TNK1: variants seen among roughly 807,000 people sequenced by gnomAD.
TNK1 encodes non-receptor tyrosine-protein kinase TNK1.
In TNK1, 53 loss-of-function variants were observed where a neutral mutation model predicts 65.2. The observed-to-expected ratio is 0.81, with a 90% CI of 0.65 to 1.02. TNK1 has a LOEUF of 1.02. Ranked by LOEUF, TNK1 falls within the 50% of genes least tolerant of loss-of-function variation. TNK1 has a pLI of 0.00. For synonymous variants in TNK1, 353 were observed against 364.6 expected (o/e 0.97, Z 0.36); for missense variants, 837 against 878.4 (o/e 0.95, Z 0.60).
intron 10 of TNK1, among the ~76,000 whole-genome samples, chr17:7,387,837 C>T (rs1293067646): frequency 1.2e-4 from 18 of 152,156 alleles, no homozygotes; most frequent in Admixed American, 7.2e-4. Context: ...CTCCCCACCT[C>T]GGGTGATCTG....
intron 10 of TNK1, 146 bp downstream of exon 10, chr17:7,387,603 ATTTTTTTT>A (rs35318852): frequency 4.9e-6 from 2 of 410,750 alleles, no homozygotes; most frequent in Admixed American, 4.8e-5. Flanking sequence ...TGTGCAATCT[ATTTTTTTT>A]TTTTTTTTTT....
chr17:7,384,488 G>T lies in TNK1; in HGVS notation c.871G>T (p.Ala291Ser). The change falls in exon 7 of 13, where the codon GCC becomes TCC. Residue 291 changes from alanine to serine, a missense_variant. By Grantham distance (99) the Ala-to-Ser change is moderately conservative (BLOSUM62 1). Coordinates refer to ENST00000688331, the MANE Select transcript of TNK1 (RefSeq NM_003985.6). ...CAGCTCCACTTCCTTCGGCAGGTGTGCCCCAGAGAGCCTGCGCCACGGAGC... is the reference window on the plus strand; with the variant it reads ...CAGCTCCACTTCCTTCGGCAGGTGTTCCCCAGAGAGCCTGCGCCACGGAGC... ...GPRPIPYAWC[A>S]PESLRHGAFS... The T allele has an allele frequency of 6.4e-7, 1 of 1,552,060 alleles. No individual in the cohort carries two copies.
At chr17:7,383,902 G>A (rs1204853829) in intron 5 of TNK1, 38 bp downstream of exon 5, 16 of 1,582,490 alleles carry the variant, frequency 1.0e-5, no homozygotes, top group African/African-American at 1.3e-5. Flanking sequence ...GGACAGCCGT[G>A]CGGCAGGAGC....
chr17:7,388,624 G>C lies in TNK1; in HGVS notation c.1696G>C (p.Gly566Arg), dbSNP rs80015268. ...AAAACCCCCACACAATCACCCCATGGGAATGCCTGGAGCCCGTAAAGCCGC... is the reference window on the plus strand; with the variant it reads ...AAAACCCCCACACAATCACCCCATGCGAATGCCTGGAGCCCGTAAAGCCGC... ...KRKPPHNHPM[G>R]MPGARKAAAL... Residue 566 changes from glycine (G) to arginine (R), a missense_variant, in exon 11 of 13, where the codon GGA (glycine) becomes CGA (arginine). Coordinates refer to ENST00000688331, the MANE Select transcript of TNK1 (RefSeq NM_003985.6). The surrounding 1 kb of genome is among the most constrained non-coding windows in gnomAD (Gnocchi z 4.5). 1.6e-3 allele frequency: 2,514 copies of C among 1,613,960 alleles called. 31 individuals carry two copies. In the African/African-American group the frequency reaches 0.029, roughly 19 times the overall value.
In TNK1 at chr17:7,389,221, G is replaced by A; in HGVS notation, c.*137G>A. On this transcript the variant is annotated 3_prime_UTR_variant, in exon 13 of 13. Coordinates refer to ENST00000688331, the MANE Select transcript of TNK1 (RefSeq NM_003985.6). ...ACCTGGGGAGATCCCACCTGCCGTA[G>A]GCACATGGAGGAGGAGCCCAGAGTT... 3.0e-6 allele frequency: 2 copies of A among 674,390 alleles called. No individual in the cohort carries two copies. Among genetic ancestry groups the A allele is most frequent in the South Asian group, 1.9e-5 (1 of 52,952 alleles). The allele number at this position is 674,390 out of a possible 1,614,324, so 41.8% of individuals were successfully genotyped here. A position where few individuals can be genotyped will look rare whatever the true frequency, so the allele number is the denominator to read the frequency against.
Position 7,383,627 on chromosome 17 carries a change from A to G in TNK1, c.426+11A>G, listed in dbSNP as rs1904970882. 5.0e-6 allele frequency: 8 copies of G among 1,595,656 alleles called. 1 individual carries two copies. The South Asian group carries it at 6.8e-5, about 14-fold the overall frequency. ...CCCAGTGGCAAGAGTGTGAGTGTCCAGGGAGCCCGCTTCATCCAGGCCAGC... is the reference window on the plus strand; with the variant it reads ...CCCAGTGGCAAGAGTGTGAGTGTCCGGGGAGCCCGCTTCATCCAGGCCAGC... On this transcript the variant is annotated intron_variant, in intron 4 of 12. Transcript: ENST00000688331.
rs747017286 is a variant in TNK1, at chr17:7,383,417, T to C, written c.235-8T>C. The stretch of plus-strand genomic sequence containing the variant: ...CTCTGCATACCGGATTTCCCATCCC[T>C]GTTTCAGATCCTTGGAGGTTTTGCC... On this transcript the variant is annotated splice_polypyrimidine_tract_variant and splice_region_variant and intron_variant, in intron 3 of 12. Transcript: ENST00000688331. The C allele has an allele frequency of 1.3e-5, 21 of 1,613,860 alleles. No homozygotes were observed. The highest frequency in any genetic ancestry group is 1.7e-5 in the Non-Finnish European group (20 of 1,179,890).
At chr17:7,384,852 T>C in intron 7 of TNK1, 98 bp downstream of exon 7, 1 of 1,447,722 alleles carries the variant, frequency 6.9e-7, no homozygotes, top group South Asian at 1.4e-5. Context: ...ATGTCTGTGC[T>C]GGGCTCTGGG....
chr17:7,385,676 T>C (rs941543664), intron 7 of TNK1, among the ~76,000 whole-genome samples: 18 of 152,092 alleles, frequency 1.2e-4, no homozygotes, highest in Non-Finnish European at 1.5e-5. Context: ...GCAATTCTCC[T>C]GTTTCAGCCT....
At position 7,384,499 on chromosome 17, in the gene TNK1, C is replaced by T. The variant is rs763411041; in HGVS notation, c.882C>T (p.Ser294=). Reference sequence around the variant, plus strand: ...CCTTCGGCAGGTGTGCCCCAGAGAGCCTGCGCCACGGAGCCTTCTCGTCTG... The same window carrying T: ...CCTTCGGCAGGTGTGCCCCAGAGAGTCTGCGCCACGGAGCCTTCTCGTCTG... ...PIPYAWCAPE[S]LRHGAFSSAS... The change falls in exon 7 of 13, where the codon AGC becomes AGT. Residue 294 remains serine, a synonymous_variant. Transcript: ENST00000688331. 4 of 1,568,512 alleles carry T rather than the reference C, an allele frequency of 2.6e-6. No individual in the cohort carries two copies. The East Asian group carries it at 6.9e-5, about 27-fold the overall frequency.
rs1353343918 is a variant in TNK1, at chr17:7,383,962, T to C, written c.583-8T>C. 6.6e-7 allele frequency: 1 copy of C among 1,510,196 alleles called. No homozygotes were observed. Among genetic ancestry groups the C allele is most frequent in the South Asian group, 1.3e-5 (1 of 78,220 alleles). The allele number at this position is 1,510,196 out of a possible 1,614,324, so 93.5% of individuals were successfully genotyped here. ...CCGGCTCACGCGGCGCGGTGTTCCC[T>C]CCTGCAGGTGATGGAGCTGGCGCCA... On this transcript the variant is annotated splice_region_variant and splice_polypyrimidine_tract_variant and intron_variant, in intron 5 of 12. Transcript: ENST00000688331.
chr17:7,387,438 G>T lies in TNK1; in HGVS notation c.1458G>T (p.Met486Ile), dbSNP rs1356017693. The change falls in exon 10 of 13, where the codon ATG becomes ATT. Residue 486 changes from methionine to isoleucine, a missense_variant. By Grantham distance (10) the Met-to-Ile change is conservative (BLOSUM62 1). Coordinates refer to ENST00000688331, the MANE Select transcript of TNK1 (RefSeq NM_003985.6). ...CAGCACGGGGCCAGAGGAGGAACAT[G>T]CCCCTGGAGAGGATGAAAGGTGGGT... The part of the protein sequence containing the change: ...APPARGQRRN[M>I]PLERMKGISR... 11 of 1,597,234 alleles carry T rather than the reference G, an allele frequency of 6.9e-6. No individual in the cohort carries two copies. The highest frequency in any genetic ancestry group is 1.3e-5 in the African/African-American group (1 of 74,506).
At chr17:7,386,481 G>A (rs1905183613) in intron 7 of TNK1, 80 bp from the exon 8 acceptor site, 1 of 1,121,198 alleles carries the variant, frequency 8.9e-7, no homozygotes, top group South Asian at 1.3e-5. Context: ...ACAGAGCGGA[G>A]CTCCTCTTTA....
Position 7,388,474 on chromosome 17 carries a change from C to T in TNK1, c.1546C>T (p.Pro516Ser). 6.2e-7 allele frequency: 1 copy of T among 1,613,942 alleles called. No homozygotes were observed. Among genetic ancestry groups the T allele is most frequent in the Non-Finnish European group, 8.5e-7 (1 of 1,179,860 alleles). ...TCCCACAGGGGGTGGTTCAAGCCCC[C>T]CTGAAATTCGACAAGCCAGAGCTGT... Reference protein sequence around the residue: ...PRPTGGGSSPPEIRQARAVPQ... With the variant: ...PRPTGGGSSPSEIRQARAVPQ... The change falls in exon 11 of 13, where the codon CCT becomes TCT. Residue 516 changes from proline (P) to serine (S), a missense_variant. By Grantham distance (74) the Pro-to-Ser change is moderately conservative (BLOSUM62 -1). Coordinates refer to ENST00000688331, the MANE Select transcript of TNK1 (RefSeq NM_003985.6). The surrounding 1 kb of genome is among the most constrained non-coding windows in gnomAD (Gnocchi z 4.5).
chr17:7,384,221 C>T lies in TNK1; in HGVS notation c.834C>T (p.Val278=). 1 of 1,512,002 alleles carries T rather than the reference C, an allele frequency of 6.6e-7. No homozygotes were observed. The highest frequency in any genetic ancestry group is 8.8e-7 in the Non-Finnish European group (1 of 1,138,232). 93.7% of individuals were successfully genotyped at this position (1,512,002 alleles called of 1,614,324 possible). ...RPLGGARGRY[V]MGGPRPIPYA... Reference sequence around the variant, plus strand: ...TGGGCGGTGCCCGGGGCCGCTACGTCATGGGCGGGCCCCGCCCTATCCCCT... The same window carrying T: ...TGGGCGGTGCCCGGGGCCGCTACGTTATGGGCGGGCCCCGCCCTATCCCCT... Residue 278 remains valine (V), a synonymous_variant, in exon 6 of 13, where the codon GTC becomes GTT. Transcript: ENST00000688331.
rs61730812 is a variant in TNK1 at position 7,384,513 on chromosome 17, C to A, written c.896C>A (p.Ala299Asp). Residue 299 changes from alanine (A) to aspartate (D), a missense_variant, in exon 7 of 13, where the codon GCC becomes GAC. Transcript: ENST00000688331. ...GCCCCAGAGAGCCTGCGCCACGGAG[C>A]CTTCTCGTCTGCCTCGGACGTGTGG... ...WCAPESLRHGAFSSASDVWMF... is the reference protein window; with the variant it reads ...WCAPESLRHGDFSSASDVWMF... 12,749 of 1,585,470 alleles carry A rather than the reference C, an allele frequency of 8.0e-3. 82 individuals carry two copies. Among genetic ancestry groups the A allele is most frequent in the Middle Eastern group, 0.026 (148 of 5,740 alleles).
chr17:7,383,543 G>C lies in TNK1; in HGVS notation c.353G>C (p.Arg118Thr). The C allele has an allele frequency of 6.2e-7, 1 of 1,613,718 alleles. No individual in the cohort carries two copies. The highest frequency in any genetic ancestry group is 8.5e-7 in the Non-Finnish European group (1 of 1,179,824). ...KCLIPEGAVC[R>T]GELLGSGCFG... The stretch of plus-strand genomic sequence containing the variant: ...CTGATCCCAGAGGGTGCTGTTTGCA[G>C]AGGGGAGCTGCTGGGTTCAGGCTGC... The change falls in exon 4 of 13, where the codon AGA becomes ACA. Residue 118 changes from arginine (R) to threonine (T), a missense_variant. Physicochemically the swap from Arg to Thr is moderately conservative, Grantham distance 71. Coordinates refer to ENST00000688331, the MANE Select transcript of TNK1 (RefSeq NM_003985.6).
At chr17:7,385,722 G>A (rs540701560) in intron 7 of TNK1, among the ~76,000 whole-genome samples, 24 of 152,076 alleles carry the variant, frequency 1.6e-4, no homozygotes, top group South Asian at 4.2e-4. Context: ...CTGCCACCAC[G>A]CCTGGCTAAT....
rs1401588870 is a variant in TNK1 at position 7,383,290 on chromosome 17, T to C, written c.204T>C (p.Ser68=). ...RLSEALKRLR[S]GPKSKNWVYK... The stretch of plus-strand genomic sequence containing the variant: ...CCGAAGCTCTGAAAAGGCTACGTTC[T>C]GGGCCTAAGTCTAAGAACTGGGTCT... The change falls in exon 3 of 13, where the codon TCT becomes TCC. Residue 68 remains serine, a synonymous_variant. Coordinates refer to ENST00000688331, the MANE Select transcript of TNK1 (RefSeq NM_003985.6). 6.2e-7 allele frequency: 1 copy of C among 1,613,938 alleles called. No homozygotes were observed. Among genetic ancestry groups the C allele is most frequent in the Non-Finnish European group, 8.5e-7 (1 of 1,179,908 alleles).
Sources: allele counts gnomAD v4.1 joint callset (sites outside exome capture counted in the v4.1 genomes callset), GRCh38; gene constraint gnomAD v4.1.1; non-coding constraint Gnocchi (gnomAD v3.1); transcripts MANE v1.5; gene names NCBI Gene and HGNC (gene_info 2026-07-23, HGNC 2026-07-21).